The following CPXM2 variants were observed in gnomAD, a reference collection of about 807,000 sequenced individuals.
The protein encoded by CPXM2 is carboxypeptidase X, M14 family member 2.
In CPXM2, 66 loss-of-function variants were observed where a neutral mutation model predicts 86.1. That is an observed-to-expected ratio of 0.77 (90% CI 0.63 to 0.94). The LOEUF (loss-of-function observed/expected upper bound fraction) is 0.94, where lower values mean the gene tolerates loss of function less well. Among genes scored for constraint, CPXM2 ranks in the 40% least tolerant of loss-of-function variants. CPXM2 has a pLI of 0.00. For missense variants in CPXM2, 948 were observed against 1,026.3 expected, an observed-to-expected ratio of 0.92 and a Z score of 1.04; for synonymous variants, 388 against 400.2, an observed-to-expected ratio of 0.97 and a Z score of 0.36.
intron 2 of CPXM2, among the ~76,000 whole-genome samples, chr10:123,902,416 T>C (rs1314274103): frequency 6.6e-6 from 1 of 152,218 alleles, no homozygotes; most frequent in Non-Finnish European, 1.5e-5. Context: ...AATAAAATAA[T>C]GCATGTAACA....
At chr10:123,747,117 C>T (rs969448244) in intron 13 of CPXM2, 100 bp from the exon 14 acceptor site, 7 of 1,403,844 alleles carry the variant, frequency 5.0e-6, no homozygotes, top group Non-Finnish European at 6.8e-6. Context: ...GAGAGAGACT[C>T]TCAGGCTGGC....
intron 1 of CPXM2, among the ~76,000 whole-genome samples, chr10:123,882,784 C>G (rs1468060061): frequency 6.7e-6 from 1 of 150,062 alleles, no homozygotes; most frequent in East Asian, 2.0e-4. Context: ...CTAGGCAACC[C>G]CCCCCCACCA....
chr10:123,862,805 C>T lies in CPXM2; in HGVS notation c.404-82G>A, dbSNP rs570184161. The T allele has an allele frequency of 2.4e-6, 3 of 1,253,484 alleles. No individual in the cohort carries two copies. In the South Asian group the frequency reaches 3.8e-5, roughly 16 times the overall value. 77.6% of individuals were successfully genotyped at this position (1,253,484 alleles called of 1,614,324 possible). A position where few individuals can be genotyped will look rare whatever the true frequency, so the allele number is the denominator to read the frequency against. ...CTTATTTTCTAAATCTGGCCGCGTG[C>T]TTTTCCATTTTCCCCTGAACTCCCA... On this transcript the variant is annotated intron_variant, in intron 2 of 13. Transcript: ENST00000241305.
upstream of CPXM2, among the ~76,000 whole-genome samples, chr10:123,892,449 C>T (rs1416744895): frequency 6.6e-6 from 1 of 152,158 alleles, no homozygotes; most frequent in African/African-American, 2.4e-5. Flanking sequence ...GGCTCTTGCC[C>T]AGAGGGTCCT....
At chr10:123,823,643 A>G (rs988960193) in intron 4 of CPXM2, among the ~76,000 whole-genome samples, 17 of 152,150 alleles carry the variant, frequency 1.1e-4, no homozygotes, top group African/African-American at 4.1e-4. Context: ...AAATAAAGAG[A>G]GACAGAGATA....
At position 123,765,031 on chromosome 10, in the gene CPXM2, T is replaced by C. The variant is rs975682417; in HGVS notation, c.1479+1942A>G. On this transcript the variant is annotated intron_variant, in intron 10 of 13. Transcript: ENST00000241305. ...AGAAGTTTTTTATTTTCTAAATACA[T>C]GATGAGGTTTTCATTAATCTTATTA... Among the ~76,000 whole-genome samples the C allele has an allele frequency of 2.0e-5, 3 of 152,338 alleles. No homozygotes were observed. The South Asian group carries it at 6.2e-4, about 32-fold the overall frequency.
intron 3 of CPXM2, among the ~76,000 whole-genome samples, chr10:123,842,984 T>A (rs1022680209): frequency 6.6e-6 from 1 of 152,182 alleles, no homozygotes; most frequent in African/African-American, 2.4e-5. Context: ...GTGGGGCTGA[T>A]CATAGACAGA....
At chr10:123,842,279 GTGTC>G (rs1848401884) in intron 4 of CPXM2, 66 bp downstream of exon 4, 1 of 1,589,680 alleles carries the variant, frequency 6.3e-7, no homozygotes, top group African/African-American at 1.3e-5. Flanking sequence ...TTCCAGACCT[GTGTC>G]TGTCCAGACC....
At chr10:123,842,318 G>A in intron 4 of CPXM2, 31 bp downstream of exon 4, 1 of 1,613,188 alleles carries the variant, frequency 6.2e-7, no homozygotes, top group South Asian at 1.1e-5. Context: ...CCAAAACAGG[G>A]TCCAGAAAGC....
chr10:123,770,837 A>G, intron 8 of CPXM2, 79 bp downstream of exon 8: 2 of 1,443,266 alleles, frequency 1.4e-6, no homozygotes, highest in Non-Finnish European at 1.9e-6. Flanking sequence ...GAATCTTCTC[A>G]TAGGGTGAAC....
chr10:123,855,357 G>A (rs563357364), intron 3 of CPXM2, among the ~76,000 whole-genome samples: 267 of 152,172 alleles, frequency 1.8e-3, no homozygotes, highest in African/African-American at 6.0e-3. Context: ...TGCATAGCCA[G>A]GAAAAACAAA....
At chr10:123,882,790 C>A (rs567086491) in intron 1 of CPXM2, among the ~76,000 whole-genome samples, 17 of 149,412 alleles carry the variant, frequency 1.1e-4, no homozygotes, top group African/African-American at 3.7e-4. Flanking sequence ...AACCCCCCCC[C>A]ACCATAACAC....
At chr10:123,936,905 C>G (rs1356334436) in intron 2 of CPXM2, among the ~76,000 whole-genome samples, 4 of 152,146 alleles carry the variant, frequency 2.6e-5, no homozygotes, top group Non-Finnish European at 5.9e-5. Flanking sequence ...GATGCTTCCT[C>G]TCTCTCACCA....
chr10:123,797,401 T>C (rs757495375), intron 6 of CPXM2, among the ~76,000 whole-genome samples: 11 of 152,200 alleles, frequency 7.2e-5, no homozygotes, highest in Non-Finnish European at 1.5e-4. Flanking sequence ...AAAATCACTA[T>C]AGGCAAAACT....
At chr10:123,770,866 A>G in intron 8 of CPXM2, 50 bp downstream of exon 8, 2 of 1,576,272 alleles carry the variant, frequency 1.3e-6, no homozygotes, top group Non-Finnish European at 1.7e-6. Context: ...AACTGTTTAC[A>G]TGAGTACCAA....
intron 2 of CPXM2, among the ~76,000 whole-genome samples, chr10:123,935,477 AAAAC>A (rs1945707046): frequency 6.6e-6 from 1 of 152,208 alleles, no homozygotes; most frequent in African/African-American, 2.4e-5. Context: ...TGAAACTGCT[AAAAC>A]AAACTTTGCC....
rs180950378 is a variant in CPXM2 at position 123,932,864 on chromosome 10, G to T, written n.174+6613C>A. On this transcript the variant is annotated intron_variant and non_coding_transcript_variant, in intron 2 of 19. Coordinates refer to the CPXM2 transcript ENST00000368854. ...GAGAAAGGGGAAGCAGGGCTTGTAGGCCAGTCTCAGTGCAAGGGCACAGGA... is the reference window on the plus strand; with the variant it reads ...GAGAAAGGGGAAGCAGGGCTTGTAGTCCAGTCTCAGTGCAAGGGCACAGGA... 9.3e-4 allele frequency among the ~76,000 whole-genome samples: 142 copies of T among 152,308 alleles called. 1 individual carries two copies. The highest frequency in any genetic ancestry group is 3.4e-3 in the Middle Eastern group (1 of 294).
At chr10:123,785,354 C>T (rs1646831516) in intron 6 of CPXM2, among the ~76,000 whole-genome samples, 1 of 152,148 alleles carries the variant, frequency 6.6e-6, no homozygotes, top group African/African-American at 2.4e-5. Flanking sequence ...GCTCTCACTG[C>T]CCCGGTTTCC....
chr10:123,859,196 C>T (rs1021747499), intron 3 of CPXM2, among the ~76,000 whole-genome samples: 3 of 152,238 alleles, frequency 2.0e-5, no homozygotes, highest in Admixed American at 6.5e-5. Flanking sequence ...TGGGGTTTCT[C>T]GATCACAAAA....
Sources: allele counts gnomAD v4.1 joint callset (sites outside exome capture counted in the v4.1 genomes callset), GRCh38; gene constraint gnomAD v4.1.1; transcripts MANE v1.5; gene names NCBI Gene and HGNC (gene_info 2026-07-23, HGNC 2026-07-21).